The following ADAR variants were observed in gnomAD, a reference collection of about 807,000 sequenced individuals.
ADAR encodes double-stranded RNA-specific adenosine deaminase.
A neutral mutation model predicts 113.2 loss-of-function variants in ADAR; 41 were observed. The ratio of observed to expected loss-of-function variants is 0.36; its 90% CI spans 0.28 to 0.47. The LOEUF is 0.47. Among genes scored for constraint, ADAR ranks in the 20% least tolerant of loss-of-function variants. ADAR has a pLI of 1.00. For missense variants in ADAR, 1,242 were observed against 1,540.9 expected (o/e 0.81, Z 3.25); for synonymous variants, 605 against 572.6 (o/e 1.06, Z -0.81).
intron 1 of ADAR, among the ~76,000 whole-genome samples, chr1:154,617,848 T>C (rs1194419789): frequency 1.3e-5 from 2 of 151,944 alleles, no homozygotes; most frequent in East Asian, 3.9e-4. Flanking sequence ...AATTCTTACA[T>C]ATTCTACATT....
Position 154,597,188 on chromosome 1 carries a change from C to G in ADAR, c.2014G>C (p.Ala672Pro). Residue 672 changes from alanine (A) to proline (P), a missense_variant, in exon 5 of 15, where the codon GCC (alanine) becomes CCC (proline). This residue lies in a region of ADAR where 780 missense variants were observed against 1,057.9 expected (regional missense o/e 0.74). Transcript: ENST00000368474. ...AGGGCCTTCATGGCTTCCTCTGCGGCCATCTGCTTTGCCACTTTCTTGCTG... is the reference window on the plus strand; with the variant it reads ...AGGGCCTTCATGGCTTCCTCTGCGGGCATCTGCTTTGCCACTTTCTTGCTG... Reference protein sequence around the residue: ...APSKKVAKQMAAEEAMKALHG... With the variant: ...APSKKVAKQMPAEEAMKALHG... 6.2e-7 allele frequency: 1 copy of G among 1,614,178 alleles called. No individual in the cohort carries two copies. Among genetic ancestry groups the G allele is most frequent in the Non-Finnish European group, 8.5e-7 (1 of 1,180,032 alleles).
At chr1:154,627,955 T>G (rs754667545) in exon 1 of ADAR, 1 of 451,894 alleles carries the variant, frequency 2.2e-6, no homozygotes, top group South Asian at 1.5e-5. Flanking sequence ...CTTCTCTACC[T>G]TCAGTCGGGA....
chr1:154,619,993 G>A (rs1331983500), intron 1 of ADAR, among the ~76,000 whole-genome samples: 1 of 152,232 alleles, frequency 6.6e-6, no homozygotes, highest in Non-Finnish European at 1.5e-5. Context: ...CCAGGGGCTG[G>A]AGGATGGGGG....
intron 1 of ADAR, among the ~76,000 whole-genome samples, chr1:154,604,674 G>A (rs1698084017): frequency 6.6e-6 from 1 of 151,910 alleles, no homozygotes; most frequent in Non-Finnish European, 1.5e-5. Flanking sequence ...TTTCTTCTTT[G>A]TCCCTTTTTC....
chr1:154,602,104 C>T lies in ADAR; in HGVS notation c.538G>A (p.Ala180Thr). Residue 180 changes from alanine to threonine, a missense_variant, in exon 2 of 15, where the codon GCA (alanine) becomes ACA (threonine). Coordinates refer to ENST00000368474, the MANE Select transcript of ADAR (RefSeq NM_001111.5). ...TCTTTCTGTAGCTTGCCCTTCTTTG[C>T]CAGGGAGTATAAAACTCGATTGATT... Reference protein sequence around the residue: ...KEINRVLYSLAKKGKLQKEAG... With the variant: ...KEINRVLYSLTKKGKLQKEAG... The T allele has an allele frequency of 6.2e-7, 1 of 1,614,200 alleles. No homozygotes were observed. Among genetic ancestry groups the T allele is most frequent in the Non-Finnish European group, 8.5e-7 (1 of 1,180,036 alleles).
chr1:154,594,353 T>TG (rs1697361205), intron 6 of ADAR, among the ~76,000 whole-genome samples: 1 of 152,202 alleles, frequency 6.6e-6, no homozygotes, highest in African/African-American at 2.4e-5. Flanking sequence ...CAAACACAGT[T>TG]GCCAGTTTTT....
At chr1:154,610,725 G>A (rs773669927), upstream of ADAR, among the ~76,000 whole-genome samples, 1 of 147,744 alleles carries the variant, frequency 6.8e-6, no homozygotes, top group African/African-American at 2.5e-5. Context: ...TGGTAGAAAC[G>A]CTTGAAGCAG....
At chr1:154,613,616 G>A (rs1698550625) in intron 1 of ADAR, among the ~76,000 whole-genome samples, 1 of 152,108 alleles carries the variant, frequency 6.6e-6, no homozygotes, top group South Asian at 2.1e-4. Context: ...AAGAAAGCAA[G>A]AAATGTGGCC....
At chr1:154,597,318 G>A (rs1479433058) in intron 4 of ADAR, 51 bp from the exon 5 acceptor site, 1 of 1,606,046 alleles carries the variant, frequency 6.2e-7, no homozygotes, top group Admixed American at 1.7e-5. Flanking sequence ...TGACTGAGGA[G>A]CCTGACCTAG....
At position 154,591,310 on chromosome 1, in the gene ADAR, A is replaced by G. The variant is rs577069134; in HGVS notation, c.2271-901T>C. On this transcript the variant is annotated intron_variant, in intron 6 of 14. Coordinates refer to ENST00000368474, the MANE Select transcript of ADAR (RefSeq NM_001111.5). Reference sequence around the variant, plus strand: ...CCCACAAGTCACTGTTACTTCATACACTGTCTGATTTTTAAAGCGCCCAAC... The same window carrying G: ...CCCACAAGTCACTGTTACTTCATACGCTGTCTGATTTTTAAAGCGCCCAAC... 5.9e-5 allele frequency among the ~76,000 whole-genome samples: 9 copies of G among 152,368 alleles called. No homozygotes were observed. In the South Asian group the frequency reaches 1.9e-3, roughly 32 times the overall value.
rs71586026 is a variant in ADAR at position 154,607,872 on chromosome 1, G to GACACAC, written c.15+114_15+119dup. On this transcript the variant is annotated intron_variant, in intron 1 of 14. Transcript: ENST00000368474. ...AACCAGCAATGCTGCTTGGCAAGACGACACACACACACACACTCTAACACT... is the reference window on the plus strand; with the variant it reads ...AACCAGCAATGCTGCTTGGCAAGACGACACACACACACACACACACACTCTAACACT... 43 of 1,245,996 alleles carry GACACAC rather than the reference G, an allele frequency of 3.5e-5. 1 individual carries two copies. The African/African-American group carries it at 4.9e-4, about 14-fold the overall frequency. The allele number at this position is 1,245,996 out of a possible 1,614,324, so 77.2% of individuals were successfully genotyped here.
In ADAR at chr1:154,589,525, G is replaced by A. The variant is rs1696982904; in HGVS notation, c.2669-63C>T. On this transcript the variant is annotated intron_variant, in intron 8 of 14. Coordinates refer to ENST00000368474, the MANE Select transcript of ADAR (RefSeq NM_001111.5). Reference sequence around the variant, plus strand: ...GGAAACCGATGGAAAACAGGATGAAGGCTATTTGTTCTGAAAGCTTCAAGG... The same window carrying A: ...GGAAACCGATGGAAAACAGGATGAAAGCTATTTGTTCTGAAAGCTTCAAGG... The A allele has an allele frequency of 2.7e-6, 4 of 1,459,532 alleles. No homozygotes were observed. In the Admixed American group the frequency reaches 5.0e-5, roughly 18 times the overall value. 90.4% of individuals were successfully genotyped at this position (1,459,532 alleles called of 1,614,324 possible).
intron 6 of ADAR, 130 bp from the exon 7 acceptor site, chr1:154,590,539 A>AG: frequency 1.2e-6 from 1 of 866,220 alleles, no homozygotes. Flanking sequence ...GCTGTTTCTA[A>AG]GGCAGCATTT....
chr1:154,622,773 C>T (rs1293266705), intron 1 of ADAR, among the ~76,000 whole-genome samples: 1 of 152,208 alleles, frequency 6.6e-6, no homozygotes, highest in Non-Finnish European at 1.5e-5. Flanking sequence ...TGTTCATCAA[C>T]ATAATGCCAG....
chr1:154,616,539 G>C (rs940150284), intron 1 of ADAR, among the ~76,000 whole-genome samples: 1 of 152,104 alleles, frequency 6.6e-6, no homozygotes, highest in Non-Finnish European at 1.5e-5. Flanking sequence ...TGGAGGAAGA[G>C]CTTGAGCTCT....
chr1:154,610,875 A>AGGT (rs1458120157), upstream of ADAR, among the ~76,000 whole-genome samples: 21 of 148,272 alleles, frequency 1.4e-4, no homozygotes, highest in South Asian at 4.4e-3. Context: ...CTAGGGAGAA[A>AGGT]GGTGGGAGTT....
In ADAR at chr1:154,602,453, T is replaced by G; in HGVS notation, c.189A>C (p.Ser63=). The change falls in exon 2 of 15, where the codon TCA becomes TCC. Residue 63 remains serine, a synonymous_variant. Transcript: ENST00000368474. ...GGAGTCCTGGGAGGGAAGGTGGCAG[T>G]GACGGTGTCTGCTTTCCAATCACCG... ...EAPVIGKQTP[S]LPPSLPGLRP... The G allele has an allele frequency of 4.3e-6, 7 of 1,613,414 alleles. No homozygotes were observed. The highest frequency in any genetic ancestry group is 5.9e-6 in the Non-Finnish European group (7 of 1,179,512).
At chr1:154,587,149 A>ACTCTC (rs1342224897) in intron 11 of ADAR, among the ~76,000 whole-genome samples, 2 of 151,224 alleles carry the variant, frequency 1.3e-5, no homozygotes, top group Non-Finnish European at 3.0e-5. Context: ...CATCTCTCCA[A>ACTCTC]CTCTCCCACT....
At chr1:154,620,370 C>A (rs182123361) in intron 1 of ADAR, among the ~76,000 whole-genome samples, 57 of 151,924 alleles carry the variant, frequency 3.8e-4, no homozygotes, top group African/African-American at 1.2e-3. Context: ...CGTGCCACTG[C>A]ACTCCAGCCT....
Sources: allele counts gnomAD v4.1 joint callset (sites outside exome capture counted in the v4.1 genomes callset), GRCh38; gene constraint gnomAD v4.1.1; regional missense constraint gnomAD v4.1.1; transcripts MANE v1.5; gene names NCBI Gene and HGNC (gene_info 2026-07-23, HGNC 2026-07-21).